PLAAT2: variants seen among roughly 807,000 people sequenced by gnomAD.
PLAAT2 encodes the protein phospholipase A and acyltransferase 2, also known as HRAS like suppressor 2.
In PLAAT2, 12 loss-of-function variants were observed where a neutral mutation model predicts 12.8. That is an observed-to-expected ratio of 0.94 (90% CI 0.60 to 1.52). The LOEUF is 1.52. Ranked by LOEUF, PLAAT2 falls within the 40% of genes most tolerant of loss-of-function variation. The pLI is 0.00. For missense variants in PLAAT2, 166 were observed against 208.1 expected, an observed-to-expected ratio of 0.80 and a Z score of 1.24; for synonymous variants, 79 against 86.8, an observed-to-expected ratio of 0.91 and a Z score of 0.50.
chr11:63,557,996 C>CATGTA (rs1263949303), intron 3 of PLAAT2, among the ~76,000 whole-genome samples: 2 of 152,302 alleles, frequency 1.3e-5, no homozygotes, highest in Admixed American at 1.3e-4. Flanking sequence ...TTAACTCCCC[C>CATGTA]GCTCTTCACC....
At chr11:63,554,770 T>C (rs80201955) in intron 3 of PLAAT2, among the ~76,000 whole-genome samples, 3,379 of 152,012 alleles carry the variant, frequency 0.022, 141 homozygotes, top group African/African-American at 0.078. Flanking sequence ...AGCGACCAAA[T>C]AGCAGATTTC....
chr11:63,554,666 C>T (rs2134368321), intron 3 of PLAAT2, among the ~76,000 whole-genome samples: 1 of 151,752 alleles, frequency 6.6e-6, no homozygotes, highest in East Asian at 1.9e-4. Flanking sequence ...TCACGCAAAG[C>T]CACACAGCTG....
chr11:63,560,101 G>A lies in PLAAT2; in HGVS notation c.102C>T (p.Val34=). The change falls in exon 2 of 4, where the codon GTC becomes GTT. Residue 34 remains valine, a synonymous_variant. Transcript: ENST00000255695. ...CATCCTTACTTGCCGGAGCCAGATGGACCACATAGCCATCTCCCACGTAGA... is the reference window on the plus strand; with the variant it reads ...CATCCTTACTTGCCGGAGCCAGATGAACCACATAGCCATCTCCCACGTAGA... ...WAIYVGDGYV[V]HLAPASEIAG... The A allele has an allele frequency of 6.2e-7, 1 of 1,611,196 alleles. No individual in the cohort carries two copies.
upstream of PLAAT2, chr11:63,563,382 C>T (rs2017535899): frequency 1.2e-6 from 2 of 1,610,376 alleles, no homozygotes; most frequent in Non-Finnish European, 1.7e-6. Context: ...CTTAAATTAG[C>T]TCTGAGTTTC....
chr11:63,562,372 C>T (rs1279357271), intron 1 of PLAAT2, among the ~76,000 whole-genome samples: 1 of 152,066 alleles, frequency 6.6e-6, no homozygotes, highest in Admixed American at 6.5e-5. Flanking sequence ...CCTCAGCCTC[C>T]CAAGAAGCTA....
intron 3 of PLAAT2, among the ~76,000 whole-genome samples, chr11:63,553,721 A>G (rs560966855): frequency 2.6e-5 from 4 of 152,210 alleles, no homozygotes; most frequent in African/African-American, 4.8e-5. Flanking sequence ...CAGTGCCCCA[A>G]TGTTCTAGGT....
chr11:63,558,666 C>A lies in PLAAT2; in HGVS notation c.119-6G>T. 1 of 1,614,064 alleles carries A rather than the reference C, an allele frequency of 6.2e-7. No individual in the cohort carries two copies. The highest frequency in any genetic ancestry group is 8.5e-7 in the Non-Finnish European group (1 of 1,179,936). ...ACCAGCTCCAGCAATTTCACCTGTG[C>A]AAACAGTGAGTTCAGTCCTGGGCAG... is the stretch of plus-strand genomic sequence containing the variant. On this transcript the variant is annotated splice_polypyrimidine_tract_variant and splice_region_variant and intron_variant, in intron 2 of 3. Coordinates refer to ENST00000255695, the MANE Select transcript of PLAAT2 (RefSeq NM_017878.2).
intron 3 of PLAAT2, among the ~76,000 whole-genome samples, chr11:63,554,357 G>T (rs1434175298): frequency 6.6e-6 from 1 of 151,200 alleles, no homozygotes; most frequent in African/African-American, 2.4e-5. Context: ...AGGCCGGGGG[G>T]GCGGTGGCTC....
intron 1 of PLAAT2, 57 bp from the exon 2 acceptor site, chr11:63,560,250 G>A (rs745671930): frequency 2.3e-6 from 3 of 1,326,652 alleles, no homozygotes; most frequent in Non-Finnish European, 3.2e-6. Context: ...AAACATTCTA[G>A]GGCCTGACCT....
In PLAAT2 at chr11:63,558,380, C is replaced by T. The variant is rs550940863; in HGVS notation, c.387+12G>A. 1.1e-5 allele frequency: 18 copies of T among 1,611,356 alleles called. No individual in the cohort carries two copies. Among genetic ancestry groups the T allele is most frequent in the South Asian group, 7.7e-5 (7 of 90,992 alleles). ...CTGGCTCCTGGGAAGGGGATGCAGG[C>T]TGAAGATGCACCTGGTCACTGCGGG... On this transcript the variant is annotated intron_variant, in intron 3 of 3. Transcript: ENST00000255695.
intron 3 of PLAAT2, among the ~76,000 whole-genome samples, chr11:63,556,539 G>GCTGTC: frequency 6.6e-6 from 1 of 152,078 alleles, no homozygotes; most frequent in African/African-American, 2.4e-5. Flanking sequence ...ACAGAGGGGA[G>GCTGTC]ACCCTGTCAG....
intron 1 of PLAAT2, among the ~76,000 whole-genome samples, chr11:63,562,438 G>A (rs2017526972): frequency 6.6e-6 from 1 of 152,114 alleles, no homozygotes; most frequent in African/African-American, 2.4e-5. Flanking sequence ...TTGTAGGGAT[G>A]GGATCTCACT....
chr11:63,560,053 C>T (rs2017503633), intron 2 of PLAAT2, 32 bp downstream of exon 2: 1 of 1,438,712 alleles, frequency 7.0e-7, no homozygotes, highest in South Asian at 1.2e-5. Context: ...TTGATCTTAA[C>T]CCTTGTGCTT....
chr11:63,557,377 A>G (rs1376272813), intron 3 of PLAAT2, among the ~76,000 whole-genome samples: 1 of 152,058 alleles, frequency 6.6e-6, no homozygotes, highest in African/African-American at 2.4e-5. Flanking sequence ...AAATCCAAAA[A>G]TTAGCCAGGC....
rs187744582 is a variant in PLAAT2, at chr11:63,554,076, G to A, written c.388-1011C>T. On this transcript the variant is annotated intron_variant, in intron 3 of 3. Transcript: ENST00000255695. ...TCGGCACAGCTTTTGGGAGCTAGCC[G>A]AGACAGTCTGCTGCGATCCTGTGGG... Among the ~76,000 whole-genome samples, 733 of 151,164 alleles carry A rather than the reference G, an allele frequency of 4.8e-3. 5 individuals carry two copies. The highest frequency in any genetic ancestry group is 0.017 in the African/African-American group (681 of 41,182).
chr11:63,556,023 G>A (rs1347181019), intron 3 of PLAAT2, among the ~76,000 whole-genome samples: 1 of 152,164 alleles, frequency 6.6e-6, no homozygotes, highest in African/African-American at 2.4e-5. Flanking sequence ...GGGGGGCTAG[G>A]GTCATCCTAC....
chr11:63,552,994 C>G lies in PLAAT2; in HGVS notation c.459G>C (p.Leu153=). Reference sequence around the variant, plus strand: ...GCCTTTCCCGCTTGCTTCTGGCCAGCAGGATCCCCACAAGGCTTGCGGCAG... The same window carrying G: ...GCCTTTCCCGCTTGCTTCTGGCCAGGAGGATCCCCACAAGGCTTGCGGCAG... ...LLAAASLVGI[L]LARSKRERQ The change falls in exon 4 of 4, where the codon CTG becomes CTC. Residue 153 remains leucine (L), a synonymous_variant. Transcript: ENST00000255695. The G allele has an allele frequency of 6.2e-7, 1 of 1,613,960 alleles. No individual in the cohort carries two copies. Among genetic ancestry groups the G allele is most frequent in the South Asian group, 1.1e-5 (1 of 91,058 alleles).
intron 1 of PLAAT2, among the ~76,000 whole-genome samples, chr11:63,561,689 C>T (rs1219091218): frequency 6.8e-6 from 1 of 146,502 alleles, no homozygotes; most frequent in Non-Finnish European, 1.5e-5. Flanking sequence ...CATTGGGTAC[C>T]GAGTACACTG....
chr11:63,559,416 C>A (rs950769944), intron 2 of PLAAT2, among the ~76,000 whole-genome samples: 3 of 152,124 alleles, frequency 2.0e-5, no homozygotes, highest in Non-Finnish European at 4.4e-5. Context: ...CTGAACAAGA[C>A]AGAAGCCTGT....
Sources: allele counts gnomAD v4.1 joint callset (sites outside exome capture counted in the v4.1 genomes callset), GRCh38; gene constraint gnomAD v4.1.1; transcripts MANE v1.5; gene names NCBI Gene and HGNC (gene_info 2026-07-23, HGNC 2026-07-21).